The following NCOA3 variants were observed in gnomAD, a reference collection of about 807,000 sequenced individuals.
The protein encoded by NCOA3 is CBP-interacting protein.
NCOA3 carries 51 observed loss-of-function variants against 158.8 expected under a neutral mutation model. The ratio of observed to expected loss-of-function variants is 0.32; its 90% CI spans 0.26 to 0.41. The LOEUF (loss-of-function observed/expected upper bound fraction) is 0.41. NCOA3 is among the 10% of genes least tolerant of loss of function. The pLI, the probability that NCOA3 is intolerant of heterozygous loss-of-function variation, is 1.00. For synonymous variants in NCOA3, 537 were observed against 592.4 expected (o/e 0.91, Z 1.36); for missense variants, 1,510 against 1,746.6 (o/e 0.86, Z 2.41).
At chr20:47,532,110 T>TTGTGTGTGTGTGTGTGTGTGTGTGTG (rs11474538) in intron 1 of NCOA3, among the ~76,000 whole-genome samples, 44 of 147,512 alleles carry the variant, frequency 3.0e-4, no homozygotes, top group African/African-American at 1.1e-3. Context: ...AGGGGGGGAC[T>TTGTGTGTGTGTGTGTGTGTGTGTGTG]TGTGTGTGTG....
At position 47,521,488 on chromosome 20, in the gene NCOA3, T is replaced by C. The variant is rs543038111; in HGVS notation, c.-99+19469T>C. Among the ~76,000 whole-genome samples, 3 of 152,214 alleles carry C rather than the reference T, an allele frequency of 2.0e-5. No individual in the cohort carries two copies. The East Asian group carries it at 5.8e-4, about 29-fold the overall frequency. On this transcript the variant is annotated intron_variant, in intron 1 of 22. Transcript: ENST00000371998. Reference sequence around the variant, plus strand: ...CACGTGGCCTCTGCTGCTGTGTCGTTCCCCTATTGGCTAGGGTTAGACTGC... The same window carrying C: ...CACGTGGCCTCTGCTGCTGTGTCGTCCCCCTATTGGCTAGGGTTAGACTGC...
intron 2 of NCOA3, among the ~76,000 whole-genome samples, chr20:47,592,287 C>G (rs563639244): frequency 6.6e-6 from 1 of 152,248 alleles, no homozygotes; most frequent in Non-Finnish European, 1.5e-5. Context: ...TCAGGTGATC[C>G]ATCTGCCCCA....
At chr20:47,606,885 T>A (rs1158078306) in intron 2 of NCOA3, among the ~76,000 whole-genome samples, 1 of 152,248 alleles carries the variant, frequency 6.6e-6, no homozygotes. Flanking sequence ...AGTGAAATTA[T>A]AAGTAAGTAA....
In NCOA3 at chr20:47,644,215, C is replaced by G. The variant is rs182067200; in HGVS notation, c.3252+1831C>G. On this transcript the variant is annotated intron_variant, in intron 17 of 22. Coordinates refer to ENST00000371998, the MANE Select transcript of NCOA3 (RefSeq NM_181659.3). Reference sequence around the variant, plus strand: ...AGTGCAGTGGCGTGATCTTGGCTCACTGCAAGCTCCACCTCCTGGGTTCAA... The same window carrying G: ...AGTGCAGTGGCGTGATCTTGGCTCAGTGCAAGCTCCACCTCCTGGGTTCAA... 1.5e-3 allele frequency among the ~76,000 whole-genome samples: 227 copies of G among 152,076 alleles called. 2 individuals carry two copies. The highest frequency in any genetic ancestry group is 5.1e-3 in the African/African-American group (213 of 41,492).
chr20:47,565,860 A>G (rs1267692594), intron 1 of NCOA3, among the ~76,000 whole-genome samples: 1 of 152,184 alleles, frequency 6.6e-6, no homozygotes, highest in Non-Finnish European at 1.5e-5. Flanking sequence ...ACCATCCACT[A>G]ACTTCTTATA....
At chr20:47,549,975 G>A (rs34977817) in intron 1 of NCOA3, among the ~76,000 whole-genome samples, 29,989 of 151,992 alleles carry the variant, frequency 0.2, 3,536 homozygotes, top group Middle Eastern at 0.28. Flanking sequence ...AGAGTGCTGG[G>A]ATTACAGGCG....
Position 47,501,942 on chromosome 20 carries a change from T to TGGCGGCCGGC in NCOA3, c.-169_-160dup, listed in dbSNP as rs1556552036. 4 of 401,332 alleles carry TGGCGGCCGGC rather than the reference T, an allele frequency of 1.0e-5. No homozygotes were observed. The Admixed American group carries it at 1.3e-4, about 13-fold the overall frequency. The allele number at this position is 401,332 out of a possible 1,614,324, so 24.9% of individuals were successfully genotyped here. On this transcript the variant is annotated 5_prime_UTR_variant, in exon 1 of 23. Transcript: ENST00000371998. ...ACGGCAGCGGCTGCGGCTTAGTCGG[T>TGGCGGCCGGC]GGCGGCCGGCGGCGGCTGCGGGCTG...
In NCOA3 at chr20:47,641,324, C is replaced by CTT. The variant is rs34173277; in HGVS notation, c.3081-869_3081-868dup. Reference sequence around the variant, plus strand: ...TCACGTCAGTGATAGCTCAACATTTCTTTTTTTTTTTTTTTTTTTTTGAGA... The same window carrying CTT: ...TCACGTCAGTGATAGCTCAACATTTCTTTTTTTTTTTTTTTTTTTTTTTGAGA... On this transcript the variant is annotated intron_variant, in intron 16 of 22. Transcript: ENST00000371998. Among the ~76,000 whole-genome samples, 721 of 96,546 alleles carry CTT rather than the reference C, an allele frequency of 7.5e-3. 26 individuals carry two copies. Among genetic ancestry groups the CTT allele is most frequent in the East Asian group, 0.024 (85 of 3,498 alleles). The allele number at this position is 96,546 out of a possible 152,430, so 63.3% of individuals were successfully genotyped here.
chr20:47,505,011 T>G (rs1235838992), intron 1 of NCOA3, among the ~76,000 whole-genome samples: 2 of 116,524 alleles, frequency 1.7e-5, no homozygotes, highest in Non-Finnish European at 3.6e-5. Flanking sequence ...TGGTTTTTTT[T>G]TTTTTTTTTT....
At chr20:47,531,621 GCTC>G (rs1353583832) in intron 1 of NCOA3, among the ~76,000 whole-genome samples, 3 of 152,108 alleles carry the variant, frequency 2.0e-5, no homozygotes, top group Admixed American at 6.5e-5. Flanking sequence ...CCTGTGATCT[GCTC>G]CTCCCTTGTA....
Position 47,553,399 on chromosome 20 carries a change from T to A in NCOA3, c.-98-29784T>A, listed in dbSNP as rs191574360. ...TTTACACTCTTGAAAATTTTTTTTT[T>A]AAATTATTATTATTATACTTTAAGT... On this transcript the variant is annotated intron_variant, in intron 1 of 22. Transcript: ENST00000371998. Among the ~76,000 whole-genome samples the A allele has an allele frequency of 2.7e-3, 409 of 152,172 alleles. 5 individuals carry two copies. The highest frequency in any genetic ancestry group is 3.9e-3 in the Non-Finnish European group (265 of 67,994).
intron 1 of NCOA3, among the ~76,000 whole-genome samples, chr20:47,580,420 G>T (rs2085433261): frequency 6.6e-6 from 1 of 151,844 alleles, no homozygotes; most frequent in South Asian, 2.1e-4. Context: ...GCTGGGCATG[G>T]TGGCATGCAC....
At chr20:47,604,812 A>G (rs2085917664) in intron 2 of NCOA3, among the ~76,000 whole-genome samples, 1 of 152,200 alleles carries the variant, frequency 6.6e-6, no homozygotes, top group Non-Finnish European at 1.5e-5. Flanking sequence ...CATTGAATTC[A>G]TCTTTTGATA....
chr20:47,647,590 A>T (rs1461474398), intron 18 of NCOA3, among the ~76,000 whole-genome samples: 1 of 152,168 alleles, frequency 6.6e-6, no homozygotes, highest in Non-Finnish European at 1.5e-5. Flanking sequence ...GTCAGGAAGG[A>T]TTGCTCTTGG....
chr20:47,640,736 AAATT>A (rs1354460647), intron 16 of NCOA3, among the ~76,000 whole-genome samples: 1 of 151,268 alleles, frequency 6.6e-6, no homozygotes, highest in African/African-American at 2.4e-5. Flanking sequence ...AAAAAAAAAA[AAATT>A]AGCCGGGTGT....
intron 1 of NCOA3, among the ~76,000 whole-genome samples, chr20:47,560,664 A>C (rs772038482): frequency 6.6e-6 from 1 of 152,134 alleles, no homozygotes; most frequent in Non-Finnish European, 1.5e-5. Flanking sequence ...CAGCATCTTC[A>C]TATGCTTATT....
intron 1 of NCOA3, among the ~76,000 whole-genome samples, chr20:47,567,012 C>CAATG: frequency 6.9e-6 from 1 of 145,460 alleles, no homozygotes; most frequent in African/African-American, 2.6e-5. Flanking sequence ...TGGTATAGTA[C>CAATG]TATGTATGTA....
chr20:47,597,510 A>T (rs1602460657), intron 2 of NCOA3, among the ~76,000 whole-genome samples: 2 of 135,184 alleles, frequency 1.5e-5, no homozygotes, highest in African/African-American at 2.9e-5. Context: ...GGAGGGGGAG[A>T]TGGAGTTTCG....
intron 6 of NCOA3, 120 bp from the exon 7 acceptor site, chr20:47,627,441 T>G: frequency 1.3e-6 from 1 of 796,882 alleles, no homozygotes; most frequent in Non-Finnish European, 2.0e-6. Context: ...GCCTGAAATG[T>G]TAGTATAGAT....
Sources: allele counts gnomAD v4.1 joint callset (sites outside exome capture counted in the v4.1 genomes callset), GRCh38; gene constraint gnomAD v4.1.1; transcripts MANE v1.5; gene names NCBI Gene and HGNC (gene_info 2026-07-23, HGNC 2026-07-21).